Variants in ZNF618 observed in about 807,000 individuals in gnomAD.
ZNF618 encodes zinc finger protein 618.
In ZNF618, 34 loss-of-function variants were observed where a neutral mutation model predicts 103.0. That is an observed-to-expected ratio of 0.33 (90% CI 0.25 to 0.44). ZNF618 has a LOEUF of 0.44. Among genes scored for constraint, ZNF618 ranks in the 20% least tolerant of loss-of-function variants. The pLI is 1.00. For missense variants in ZNF618, 1,059 were observed against 1,295.4 expected (o/e 0.82, Z 2.80); for synonymous variants, 551 against 542.2 (o/e 1.02, Z -0.23).
chr9:113,976,034 A>G (rs1055597331), intron 2 of ZNF618, among the ~76,000 whole-genome samples: 6 of 152,186 alleles, frequency 3.9e-5, no homozygotes, highest in Admixed American at 1.3e-4. Flanking sequence ...ACTCTGCTTA[A>G]TTAGTTACCA....
chr9:113,965,588 G>C (rs537499319), intron 1 of ZNF618, among the ~76,000 whole-genome samples: 1 of 152,278 alleles, frequency 6.6e-6, no homozygotes, highest in Non-Finnish European at 1.5e-5. Flanking sequence ...ATTTGTCATA[G>C]AGGAGTCTGG....
At chr9:113,988,607 G>A in intron 3 of ZNF618, 27 bp downstream of exon 3, 1 of 1,584,766 alleles carries the variant, frequency 6.3e-7, no homozygotes, top group Middle Eastern at 1.7e-4. Context: ...TGTGGTCAGG[G>A]TGGAGACCAG....
intron 1 of ZNF618, among the ~76,000 whole-genome samples, chr9:113,938,013 T>G (rs1195668399): frequency 6.6e-6 from 1 of 152,104 alleles, no homozygotes; most frequent in Non-Finnish European, 1.5e-5. Flanking sequence ...CTCCACAAGG[T>G]CTCTCAGAAG....
rs10624141 is a variant in ZNF618, at chr9:114,033,389, A to AAGAGAGAGAG, written c.1168+684_1168+693dup. ...TGACAGAGCGAGACTCTGTCTCAAAAAGAGAGAGAGAGAGAGAGAGAGAGA... is the reference window on the plus strand; with the variant it reads ...TGACAGAGCGAGACTCTGTCTCAAAAAGAGAGAGAGAGAGAGAGAGAGAGAGAGAGAGAGA... On this transcript the variant is annotated intron_variant, in intron 12 of 14. Coordinates refer to ENST00000374126, the MANE Select transcript of ZNF618 (RefSeq NM_001318042.2). Among the ~76,000 whole-genome samples, 474 of 147,176 alleles carry AAGAGAGAGAG rather than the reference A, an allele frequency of 3.2e-3. 1 individual carries two copies. The highest frequency in any genetic ancestry group is 4.9e-3 in the Non-Finnish European group (328 of 66,590).
chr9:113,913,606 C>A (rs1831773835), intron 1 of ZNF618, among the ~76,000 whole-genome samples: 1 of 152,224 alleles, frequency 6.6e-6, no homozygotes, highest in African/African-American at 2.4e-5. Flanking sequence ...TACTTTTCAG[C>A]AGTTTATGCC....
At chr9:113,894,798 G>A (rs1405030211) in intron 1 of ZNF618, among the ~76,000 whole-genome samples, 5 of 152,146 alleles carry the variant, frequency 3.3e-5, no homozygotes, top group Non-Finnish European at 4.4e-5. Flanking sequence ...ATTTTTATGT[G>A]ATTGTTAAGT....
At chr9:113,924,415 CTTCTTCTTCT>C (rs1335902042) in intron 1 of ZNF618, among the ~76,000 whole-genome samples, 6 of 144,878 alleles carry the variant, frequency 4.1e-5, no homozygotes, top group African/African-American at 1.5e-4. Context: ...TCTTCTTCTT[CTTCTTCTTCT>C]TTTTTTTTTT....
rs976232838 is a variant in ZNF618 at position 114,056,042 on chromosome 9, C to T, written c.*5875C>T. 1.3e-5 allele frequency: 2 copies of T among 152,248 alleles called. No individual in the cohort carries two copies. Among genetic ancestry groups the T allele is most frequent in the Admixed American group, 1.3e-4 (2 of 15,246 alleles). The allele number at this position is 152,248 out of a possible 1,614,324, so 9.4% of individuals were successfully genotyped here. A position where few individuals can be genotyped will look rare whatever the true frequency, so the allele number is the denominator to read the frequency against. Reference sequence around the variant, plus strand: ...ATTAACAAAAGATGTTGTGTGCGGTCTCCTGTATCGGTGTGGATCCAACAG... The same window carrying T: ...ATTAACAAAAGATGTTGTGTGCGGTTTCCTGTATCGGTGTGGATCCAACAG... On this transcript the variant is annotated 3_prime_UTR_variant, in exon 15 of 15. Coordinates refer to ENST00000374126, the MANE Select transcript of ZNF618 (RefSeq NM_001318042.2).
intron 1 of ZNF618, among the ~76,000 whole-genome samples, chr9:113,905,902 C>T (rs987788227): frequency 6.6e-6 from 1 of 152,174 alleles, no homozygotes; most frequent in Non-Finnish European, 1.5e-5. Flanking sequence ...TGATCATTCT[C>T]CAGGCAGCAA....
chr9:113,889,341 C>T (rs939985668), intron 1 of ZNF618, among the ~76,000 whole-genome samples: 1 of 150,978 alleles, frequency 6.6e-6, no homozygotes, highest in Non-Finnish European at 1.5e-5. Context: ...CTCTCTCTCT[C>T]TCTCTTTCTC....
At chr9:113,900,978 T>C (rs1188819786) in intron 1 of ZNF618, among the ~76,000 whole-genome samples, 2 of 53,818 alleles carry the variant, frequency 3.7e-5, no homozygotes, top group Non-Finnish European at 7.1e-5. Flanking sequence ...CCTAGCACCG[T>C]CCTCTCCCGC....
chr9:113,982,410 G>A (rs890962360), intron 2 of ZNF618, among the ~76,000 whole-genome samples: 1 of 152,008 alleles, frequency 6.6e-6, no homozygotes, highest in Admixed American at 6.6e-5. Flanking sequence ...CTCTCGGGGC[G>A]CATTGCCTTC....
chr9:113,988,660 C>A, intron 3 of ZNF618, 80 bp downstream of exon 3: 1 of 1,481,416 alleles, frequency 6.8e-7, no homozygotes, highest in Non-Finnish European at 9.0e-7. Flanking sequence ...AGCGGCCTGG[C>A]GCCTCTGCCC....
intron 1 of ZNF618, among the ~76,000 whole-genome samples, chr9:113,944,046 C>G (rs747835686): frequency 1.3e-5 from 2 of 152,200 alleles, no homozygotes; most frequent in Non-Finnish European, 2.9e-5. Context: ...TTGCCTCTTA[C>G]AACTATTAGG....
At chr9:113,914,902 C>T (rs11790976) in intron 1 of ZNF618, among the ~76,000 whole-genome samples, 2 of 152,152 alleles carry the variant, frequency 1.3e-5, no homozygotes, top group South Asian at 4.1e-4. Flanking sequence ...CCAGCACTGG[C>T]CTCCAACCTG....
chr9:113,951,162 C>T (rs1835528972), intron 1 of ZNF618, among the ~76,000 whole-genome samples: 1 of 151,256 alleles, frequency 6.6e-6, no homozygotes, highest in East Asian at 2.0e-4. Context: ...TAACAACTTG[C>T]TGTGATGGGG....
In ZNF618 at chr9:114,028,932, C is replaced by T; in HGVS notation, c.1044C>T (p.Arg348=). 6.4e-7 allele frequency: 1 copy of T among 1,550,790 alleles called. No homozygotes were observed. The highest frequency in any genetic ancestry group is 8.7e-7 in the Non-Finnish European group (1 of 1,147,000). ...CAGCCACCCAAACCCAGACGTTCCG[C>T]ACTCCAAATTCGGGATCTCCGGCGA... ...TPPATQTQTF[R]TPNSGSPASK... Residue 348 remains arginine, a synonymous_variant, in exon 11 of 15, where the codon CGC becomes CGT. Transcript: ENST00000374126.
At chr9:113,891,998 C>T (rs1829651798) in intron 1 of ZNF618, among the ~76,000 whole-genome samples, 1 of 152,014 alleles carries the variant, frequency 6.6e-6, no homozygotes, top group African/African-American at 2.4e-5. Context: ...CTGTGTGATC[C>T]CACTCATAAG....
At chr9:113,907,967 A>G (rs1403412398) in intron 1 of ZNF618, among the ~76,000 whole-genome samples, 1 of 152,232 alleles carries the variant, frequency 6.6e-6, no homozygotes, top group Non-Finnish European at 1.5e-5. Flanking sequence ...AGAGGTCAGC[A>G]TGATTATTTT....
Sources: gnomAD v4.1 joint callset for allele counts (sites outside exome capture counted in the v4.1 genomes callset) on GRCh38, gnomAD v4.1.1 for gene constraint, MANE v1.5 for transcripts, NCBI Gene and HGNC (gene_info 2026-07-23, HGNC 2026-07-21) for gene names.